PCDHGA11: variants seen among roughly 807,000 people sequenced by gnomAD.
PCDHGA11 encodes protocadherin gamma-A11.
In PCDHGA11, 39 loss-of-function variants were observed where a neutral mutation model predicts 60.4. The observed-to-expected ratio is 0.65, with a 90% CI of 0.50 to 0.84. The LOEUF (loss-of-function observed/expected upper bound fraction) is 0.84. PCDHGA11 is among the 40% of genes least tolerant of loss of function. PCDHGA11 has a pLI of 0.00. For missense variants in PCDHGA11, 1,165 were observed against 1,197.7 expected (o/e 0.97, Z 0.40); for synonymous variants, 533 against 510.3 (o/e 1.04, Z -0.60).
At chr5:141,480,956 C>G (rs2099528870) in intron 1 of PCDHGA11, among the ~76,000 whole-genome samples, 1 of 152,064 alleles carries the variant, frequency 6.6e-6, no homozygotes, top group South Asian at 2.1e-4. Flanking sequence ...GAGGCGGAAG[C>G]ATCAGTGAGG....
At chr5:141,503,387 G>A (rs975079596) in intron 2 of PCDHGA11, among the ~76,000 whole-genome samples, 24 of 152,068 alleles carry the variant, frequency 1.6e-4, no homozygotes, top group Middle Eastern at 3.4e-3. Flanking sequence ...ATGAGGTCAG[G>A]AGTTCGAAAC....
intron 1 of PCDHGA11, among the ~76,000 whole-genome samples, chr5:141,457,477 C>A (rs964080100): frequency 2.0e-5 from 3 of 152,134 alleles, no homozygotes; most frequent in African/African-American, 7.2e-5. Context: ...TAAGCAGGGC[C>A]AGGGTTAGTC....
In PCDHGA11 at chr5:141,486,708, C is replaced by A; in HGVS notation, c.2434-8099C>A. On this transcript the variant is annotated intron_variant, in intron 1 of 3. Transcript: ENST00000398587. The surrounding 1 kb of genome is among the most constrained non-coding windows in gnomAD (Gnocchi z 5.0). ...GCTTCCTCTTTCATCTCTCTGAACC[C>A]CCAGACAGGAGCTGTTCATGCTACT... is the stretch of plus-strand genomic sequence containing the variant. 6.2e-7 allele frequency: 1 copy of A among 1,614,180 alleles called. No individual in the cohort carries two copies. Among genetic ancestry groups the A allele is most frequent in the South Asian group, 1.1e-5 (1 of 91,084 alleles).
chr5:141,475,721 G>A (rs867365261), intron 1 of PCDHGA11, among the ~76,000 whole-genome samples: 1 of 152,248 alleles, frequency 6.6e-6, no homozygotes. Context: ...ACAGCCCCAA[G>A]GCTGGCTTTC....
At chr5:141,484,311 C>T (rs1234690996) in intron 1 of PCDHGA11, among the ~76,000 whole-genome samples, 2 of 152,196 alleles carry the variant, frequency 1.3e-5, no homozygotes, top group African/African-American at 4.8e-5. Flanking sequence ...CTCCACCCCG[C>T]TTCCATACTG....
In PCDHGA11 at chr5:141,423,130, G is replaced by A. The variant is rs770258338; in HGVS notation, c.1903G>A (p.Asp635Asn). The change falls in exon 1 of 4, where the codon GAC becomes AAC. Residue 635 changes from aspartate (D) to asparagine (N), a missense_variant. Coordinates refer to ENST00000398587, the MANE Select transcript of PCDHGA11 (RefSeq NM_018914.3). Reference protein sequence around the residue: ...GEVRTARALLDRDALKQSLVV... With the variant: ...GEVRTARALLNRDALKQSLVV... The stretch of plus-strand genomic sequence containing the variant: ...GGTGCGTACAGCGCGGGCACTGCTG[G>A]ACAGAGACGCGCTCAAGCAGAGCCT... The A allele has an allele frequency of 9.3e-6, 15 of 1,613,582 alleles. No individual in the cohort carries two copies. Among genetic ancestry groups the A allele is most frequent in the Middle Eastern group, 1.6e-4 (1 of 6,072 alleles).
At chr5:141,438,635 T>TAC (rs56854727) in intron 1 of PCDHGA11, among the ~76,000 whole-genome samples, 5 of 33,422 alleles carry the variant, frequency 1.5e-4, no homozygotes, top group Admixed American at 8.3e-4. Flanking sequence ...TATATATATA[T>TAC]ACACACACAC....
chr5:141,490,612 C>G lies in PCDHGA11; in HGVS notation c.2434-4195C>G, dbSNP rs1393568166. ...CAATGCACCCCGCTTCAACCAGCAG[C>G]TTTACACTGCTTACATCCTAGAAAA... On this transcript the variant is annotated intron_variant, in intron 1 of 3. Coordinates refer to ENST00000398587, the MANE Select transcript of PCDHGA11 (RefSeq NM_018914.3). This position sits in a 1 kb window ranked among gnomAD's most constrained non-coding sequence, Gnocchi z 5.4. The G allele has an allele frequency of 6.2e-7, 1 of 1,614,082 alleles. No homozygotes were observed. Among genetic ancestry groups the G allele is most frequent in the Non-Finnish European group, 8.5e-7 (1 of 1,180,032 alleles).
At chr5:141,439,445 G>A (rs1030957687) in intron 1 of PCDHGA11, among the ~76,000 whole-genome samples, 5 of 152,102 alleles carry the variant, frequency 3.3e-5, no homozygotes, top group African/African-American at 4.8e-5. Flanking sequence ...ATTTTATTGC[G>A]GGAGCAAGAC....
Position 141,510,980 on chromosome 5 carries a change from G to C in PCDHGA11, c.2615G>C (p.Gly872Ala), listed in dbSNP as rs1466168256. 12 of 1,614,170 alleles carry C rather than the reference G, an allele frequency of 7.4e-6. No individual in the cohort carries two copies. The highest frequency in any genetic ancestry group is 9.3e-6 in the Non-Finnish European group (11 of 1,180,014). ...AADGSSTLGG[G>A]AGTMGLSARY... ...GATGGGAGCTCCACCCTGGGAGGGG[G>C]TGCCGGCACCATGGGATTGAGCGCC... is the stretch of plus-strand genomic sequence containing the variant. Residue 872 changes from glycine (G) to alanine (A), a missense_variant, in exon 4 of 4, where the codon GGT becomes GCT. By Grantham distance (60) the Gly-to-Ala change is moderately conservative (BLOSUM62 0). Transcript: ENST00000398587.
chr5:141,478,199 C>G, intron 1 of PCDHGA11: 1 of 1,614,056 alleles, frequency 6.2e-7, no homozygotes, highest in Non-Finnish European at 8.5e-7. Flanking sequence ...CTTTTATCTA[C>G]TTCTTTCTCT....
In PCDHGA11 at chr5:141,432,540, T is replaced by C. The variant is rs147884705; in HGVS notation, c.2433+8880T>C. The C allele has an allele frequency of 1.2e-6, 2 of 1,613,726 alleles. No homozygotes were observed. The highest frequency in any genetic ancestry group is 2.2e-5 in the South Asian group (2 of 91,058). On this transcript the variant is annotated intron_variant, in intron 1 of 3. Transcript: ENST00000398587. The surrounding 1 kb of genome is among the most constrained non-coding windows in gnomAD (Gnocchi z 6.0). ...TACCTGGTGACCAAGGTGGTGGCGG[T>C]GGACAGAGACTCCGGCCAGAACGCC...
Position 141,431,336 on chromosome 5 carries a change from G to C in PCDHGA11, c.2433+7676G>C, listed in dbSNP as rs1187672228. ...TGGAGCCGACGGTAGTAAGTACCCC[G>C]AATTGGTGCTGAAACGCGCCCTGGA... On this transcript the variant is annotated intron_variant, in intron 1 of 3. Transcript: ENST00000398587. The surrounding 1 kb of genome is among the most constrained non-coding windows in gnomAD (Gnocchi z 4.8). 2.5e-6 allele frequency: 4 copies of C among 1,613,956 alleles called. No individual in the cohort carries two copies. The East Asian group carries it at 6.7e-5, about 27-fold the overall frequency.
Position 141,431,581 on chromosome 5 carries a change from T to C in PCDHGA11, c.2433+7921T>C. The C allele has an allele frequency of 1.2e-6, 2 of 1,614,160 alleles. No individual in the cohort carries two copies. Among genetic ancestry groups the C allele is most frequent in the Non-Finnish European group, 1.7e-6 (2 of 1,180,022 alleles). ...CTACCGACCCTGACGAAGGAGTCAA[T>C]GCGGAAGTGAGGTATTCCTTCCGGT... On this transcript the variant is annotated intron_variant, in intron 1 of 3. Transcript: ENST00000398587. This position sits in a 1 kb window ranked among gnomAD's most constrained non-coding sequence, Gnocchi z 4.8.
rs756915110 is a variant in PCDHGA11, at chr5:141,490,431, T to C, written c.2434-4376T>C. 6 of 1,614,036 alleles carry C rather than the reference T, an allele frequency of 3.7e-6. No individual in the cohort carries two copies. In the South Asian group the frequency reaches 6.6e-5, roughly 18 times the overall value. ...TCTCTCCGGACCTGCCATTTCAGATTAAGCCTTCTGAGAACCACTACTCGC... is the reference window on the plus strand; with the variant it reads ...TCTCTCCGGACCTGCCATTTCAGATCAAGCCTTCTGAGAACCACTACTCGC... On this transcript the variant is annotated intron_variant, in intron 1 of 3. Transcript: ENST00000398587. The surrounding 1 kb of genome is among the most constrained non-coding windows in gnomAD (Gnocchi z 5.4).
chr5:141,511,055 A>ATG lies in PCDHGA11; in HGVS notation c.2692_2693dup (p.Tyr899SerfsTer10). 1 of 1,614,218 alleles carries ATG rather than the reference A, an allele frequency of 6.2e-7. No individual in the cohort carries two copies. The highest frequency in any genetic ancestry group is 8.5e-7 in the Non-Finnish European group (1 of 1,180,026). On this transcript the variant is annotated frameshift_variant, in exon 4 of 4. Coordinates refer to ENST00000398587, the MANE Select transcript of PCDHGA11 (RefSeq NM_018914.3). LOFTEE classifies it high-confidence loss of function. Reference sequence around the variant, plus strand: ...CAGCACGTGCCCGACTACCGCCAGAATGTCTACATCCCAGGCAGCAATGCC... The same window carrying ATG: ...CAGCACGTGCCCGACTACCGCCAGAATGTGTCTACATCCCAGGCAGCAATGCC...
Position 141,463,438 on chromosome 5 carries a change from CTTTTTTTTT to C in PCDHGA11, c.2434-31349_2434-31341del, listed in dbSNP as rs71576115. 5.5e-3 allele frequency among the ~76,000 whole-genome samples: 572 copies of C among 103,208 alleles called. 4 individuals carry two copies. The highest frequency in any genetic ancestry group is 8.7e-3 in the Non-Finnish European group (462 of 53,292). The allele number at this position is 103,208 out of a possible 152,430, so 67.7% of individuals were successfully genotyped here. On this transcript the variant is annotated intron_variant, in intron 1 of 3. Transcript: ENST00000398587. ...GTTTGCGGATCCTCATTTCCTTCTC[CTTTTTTTTT>C]TTTTTTTTTTTTTTTTTTTGAGATG...
chr5:141,496,802 A>G (rs1483438160), intron 2 of PCDHGA11, among the ~76,000 whole-genome samples: 1 of 152,050 alleles, frequency 6.6e-6, no homozygotes, highest in Admixed American at 6.6e-5. Flanking sequence ...ACATTGGGCT[A>G]TAGGAGTGAA....
intron 1 of PCDHGA11, among the ~76,000 whole-genome samples, chr5:141,458,236 C>T (rs6874378): frequency 0.18 from 27,546 of 152,106 alleles, 2,658 homozygotes; most frequent in Admixed American, 0.28. Flanking sequence ...AGTCCATGCA[C>T]CAAAATGATA....
Sources: allele counts gnomAD v4.1 joint callset (sites outside exome capture counted in the v4.1 genomes callset), GRCh38; gene constraint gnomAD v4.1.1; non-coding constraint Gnocchi (gnomAD v3.1); transcripts MANE v1.5; gene names NCBI Gene and HGNC (gene_info 2026-07-23, HGNC 2026-07-21).